The following C2CD2L variants were observed in gnomAD, a reference collection of about 807,000 sequenced individuals.
The protein encoded by C2CD2L is phospholipid transfer protein C2CD2L.
A neutral mutation model predicts 69.9 loss-of-function variants in C2CD2L; 24 were observed. That is an observed-to-expected ratio of 0.34 (90% CI 0.25 to 0.48). The LOEUF (loss-of-function observed/expected upper bound fraction) is 0.48, where lower values mean the gene tolerates loss of function less well. Ranked by LOEUF, C2CD2L falls within the 20% of genes least tolerant of loss-of-function variation. C2CD2L has a pLI of 0.99. For missense variants in C2CD2L, 811 were observed against 941.5 expected, an observed-to-expected ratio of 0.86 and a Z score of 1.81; for synonymous variants, 367 against 391.0, an observed-to-expected ratio of 0.94 and a Z score of 0.72.
In C2CD2L at chr11:119,112,322, C is replaced by T. The variant is rs576025301; in HGVS notation, c.1020-6C>T. 6.2e-7 allele frequency: 1 copy of T among 1,611,528 alleles called. No homozygotes were observed. ...CCTTCCTGCCCCATCTCCTCTTGTC[C>T]CACAGGGATCTGGGCCCCCAGAGCC... On this transcript the variant is annotated splice_region_variant and splice_polypyrimidine_tract_variant and intron_variant, in intron 7 of 13. Transcript: ENST00000648610.
chr11:119,114,502 G>C lies in C2CD2L; in HGVS notation c.1909+137G>C. The C allele has an allele frequency of 2.5e-6, 2 of 812,374 alleles. No homozygotes were observed. The highest frequency in any genetic ancestry group is 3.9e-6 in the Non-Finnish European group (2 of 517,576). 50.3% of individuals were successfully genotyped at this position (812,374 alleles called of 1,614,324 possible). ...TTCCCAGCCTAGTTCAGCCAAGCTA[G>C]CCTAGAGGGGGATCTTGGTGCCTTG... On this transcript the variant is annotated intron_variant, in intron 13 of 13. Coordinates refer to ENST00000648610, the MANE Select transcript of C2CD2L (RefSeq NM_001290474.2). This position sits in a 1 kb window ranked among gnomAD's most constrained non-coding sequence, Gnocchi z 5.1.
At chr11:119,115,328 A>G (rs569234713) in intron 13 of C2CD2L, 2 of 151,844 alleles carry the variant, frequency 1.3e-5, no homozygotes, top group South Asian at 2.1e-4. Context: ...AAGAAATCCT[A>G]CCCTTGGATT....
rs1946702644 is a variant in C2CD2L, at chr11:119,110,422, C to A, written c.451-139C>A. 9.5e-7 allele frequency: 1 copy of A among 1,056,866 alleles called. No individual in the cohort carries two copies. The allele number at this position is 1,056,866 out of a possible 1,614,324, so 65.5% of individuals were successfully genotyped here. On this transcript the variant is annotated intron_variant, in intron 2 of 13. Coordinates refer to ENST00000648610, the MANE Select transcript of C2CD2L (RefSeq NM_001290474.2). The surrounding 1 kb of genome is among the most constrained non-coding windows in gnomAD (Gnocchi z 5.7). ...AGGAGTCTTTGGCATTTATCTGATTCTTTTAGGGATTTATGATCCTGAAAA... is the reference window on the plus strand; with the variant it reads ...AGGAGTCTTTGGCATTTATCTGATTATTTTAGGGATTTATGATCCTGAAAA...
upstream of C2CD2L, among the ~76,000 whole-genome samples, chr11:119,103,850 C>T (rs1030882904): frequency 1.3e-5 from 2 of 152,060 alleles, no homozygotes; most frequent in South Asian, 2.1e-4. Flanking sequence ...AGTACTTATC[C>T]CACTGCTATT....
Position 119,107,968 on chromosome 11 carries a change from G to A in C2CD2L, c.227G>A (p.Arg76Gln), listed in dbSNP as rs1199587542. Residue 76 changes from arginine (R) to glutamine (Q), a missense_variant, in exon 1 of 14, where the codon CGG becomes CAG. Arg to Gln is a conservative substitution (Grantham distance 43, BLOSUM62 1). Transcript: ENST00000648610. This position sits in a 1 kb window ranked among gnomAD's most constrained non-coding sequence, Gnocchi z 5.4. ...TCGCTGCTGCGGCTGCGGGCGACTCGGGCTGGCGCCGCCGAGGAGCCAGGA... is the reference window on the plus strand; with the variant it reads ...TCGCTGCTGCGGCTGCGGGCGACTCAGGCTGGCGCCGCCGAGGAGCCAGGA... ...WRSLLRLRAT[R>Q]AGAAEEPGVR... 3.2e-6 allele frequency: 5 copies of A among 1,550,892 alleles called. No individual in the cohort carries two copies. The highest frequency in any genetic ancestry group is 2.1e-5 in the Admixed American group (1 of 47,452).
chr11:119,113,426 A>C, intron 10 of C2CD2L, 185 bp from the exon 11 acceptor site: 1 of 809,418 alleles, frequency 1.2e-6, no homozygotes. Context: ...ACTTTCCTAC[A>C]CTCCCATTAG....
chr11:119,114,823 T>G lies in C2CD2L; in HGVS notation c.1909+458T>G. On this transcript the variant is annotated intron_variant, in intron 13 of 13. Coordinates refer to ENST00000648610, the MANE Select transcript of C2CD2L (RefSeq NM_001290474.2). This position sits in a 1 kb window ranked among gnomAD's most constrained non-coding sequence, Gnocchi z 5.1. ...GGCGTAGTGGCACACACCTGTAATC[T>G]CAGCTACTCAGGGGGCTGAGGAGGG... is the stretch of plus-strand genomic sequence containing the variant. The G allele has an allele frequency of 5.2e-6, 1 of 192,688 alleles. No individual in the cohort carries two copies. Among genetic ancestry groups the G allele is most frequent in the East Asian group, 1.5e-4 (1 of 6,732 alleles). The allele number at this position is 192,688 out of a possible 1,614,324, so 11.9% of individuals were successfully genotyped here.
At chr11:119,115,495 G>A (rs1946862786) in intron 13 of C2CD2L, 1 of 157,534 alleles carries the variant, frequency 6.3e-6, no homozygotes, top group Non-Finnish European at 1.4e-5. Context: ...CACTTCTTGA[G>A]ATAATGAGGT....
chr11:119,102,695 A>G (rs111481237), upstream of C2CD2L, among the ~76,000 whole-genome samples: 96 of 151,870 alleles, frequency 6.3e-4, no homozygotes, highest in Admixed American at 9.8e-4. Context: ...AGGCTCTGGA[A>G]AGAGCTGAGG....
chr11:119,105,647 GAAAAA>G (rs112441104), upstream of C2CD2L, among the ~76,000 whole-genome samples: 1 of 124,040 alleles, frequency 8.1e-6, no homozygotes, highest in Non-Finnish European at 1.7e-5. Flanking sequence ...CAAGAAAAGA[GAAAAA>G]AAAAAAAAAA....
In C2CD2L at chr11:119,116,557, C is replaced by T; in HGVS notation, c.*301C>T. The T allele has an allele frequency of 1.9e-6, 1 of 522,902 alleles. No homozygotes were observed. The highest frequency in any genetic ancestry group is 3.4e-6 in the Non-Finnish European group (1 of 290,096). 32.4% of individuals were successfully genotyped at this position (522,902 alleles called of 1,614,324 possible). On this transcript the variant is annotated 3_prime_UTR_variant, in exon 14 of 14. Transcript: ENST00000648610. ...CCTCCTGCTGAGCCTGGTCCCTGAG[C>T]GGAGTCCCAGGGTGCTCAGCTCTTC...
chr11:119,110,586 A>T lies in C2CD2L; in HGVS notation c.476A>T (p.Glu159Val). The T allele has an allele frequency of 6.2e-7, 1 of 1,610,322 alleles. No homozygotes were observed. The highest frequency in any genetic ancestry group is 8.5e-7 in the Non-Finnish European group (1 of 1,179,286). ...TMVLRCQLSA[E>V]EVRFPVSVTQ... ...GTGCTGCGTTGCCAGCTCTCTGCTG[A>T]GGAGGTGCGGTTCCCAGTCTCTGTG... Residue 159 changes from glutamate (E) to valine (V), a missense_variant, in exon 3 of 14, where the codon GAG becomes GTG. Coordinates refer to ENST00000648610, the MANE Select transcript of C2CD2L (RefSeq NM_001290474.2). The surrounding 1 kb of genome is among the most constrained non-coding windows in gnomAD (Gnocchi z 5.7).
chr11:119,114,259 C>T lies in C2CD2L; in HGVS notation c.1803C>T (p.Asp601=), dbSNP rs759873452. ...LSSPTSVQEA[D]ETTRSDISER... ...GTCCCACAAGTGTCCAGGAAGCAGA[C>T]GAGACAACCCGTTCGGATATTTCTG... Residue 601 remains aspartate (D), a synonymous_variant, in exon 13 of 14, where the codon GAC becomes GAT. Coordinates refer to ENST00000648610, the MANE Select transcript of C2CD2L (RefSeq NM_001290474.2). The surrounding 1 kb of genome is among the most constrained non-coding windows in gnomAD (Gnocchi z 5.1). 16 of 1,613,998 alleles carry T rather than the reference C, an allele frequency of 9.9e-6. No homozygotes were observed. Among genetic ancestry groups the T allele is most frequent in the South Asian group, 8.8e-5 (8 of 91,082 alleles).
In C2CD2L at chr11:119,108,146, G is replaced by A. The variant is rs753400519; in HGVS notation, c.354+51G>A. The A allele has an allele frequency of 3.8e-6, 5 of 1,320,112 alleles. No individual in the cohort carries two copies. The African/African-American group carries it at 6.2e-5, about 16-fold the overall frequency. 81.8% of individuals were successfully genotyped at this position (1,320,112 alleles called of 1,614,324 possible). On this transcript the variant is annotated intron_variant, in intron 1 of 13. Transcript: ENST00000648610. ...GTCCCTTCAGCCTTTCCTTCCAGGGGAGGGACTGACTGCTCGTGCTAGGAG... is the reference window on the plus strand; with the variant it reads ...GTCCCTTCAGCCTTTCCTTCCAGGGAAGGGACTGACTGCTCGTGCTAGGAG...
chr11:119,112,255 C>A, intron 7 of C2CD2L, 73 bp from the exon 8 acceptor site: 3 of 1,330,290 alleles, frequency 2.3e-6, no homozygotes, highest in South Asian at 2.5e-5. Flanking sequence ...CTGCCTCTGG[C>A]CTGTGATCCA....
At chr11:119,105,874 C>G (rs1434236968), upstream of C2CD2L, among the ~76,000 whole-genome samples, 1 of 152,150 alleles carries the variant, frequency 6.6e-6, no homozygotes, top group Non-Finnish European at 1.5e-5. Context: ...GGGAAAGCTT[C>G]TACCTGGACA....
chr11:119,110,708 G>C lies in C2CD2L; in HGVS notation c.570+28G>C. ...AGAAGGGGATGTGGGAAACTGAGTT[G>C]GGCAGGGGCGGTTCCATTGGCTCAG... On this transcript the variant is annotated intron_variant, in intron 3 of 13. Coordinates refer to ENST00000648610, the MANE Select transcript of C2CD2L (RefSeq NM_001290474.2). The surrounding 1 kb of genome is among the most constrained non-coding windows in gnomAD (Gnocchi z 5.7). The C allele has an allele frequency of 6.2e-7, 1 of 1,613,158 alleles. No homozygotes were observed. Among genetic ancestry groups the C allele is most frequent in the Non-Finnish European group, 8.5e-7 (1 of 1,179,384 alleles).
chr11:119,112,271 G>A (rs1742654726), intron 7 of C2CD2L, 57 bp from the exon 8 acceptor site: 1 of 1,497,452 alleles, frequency 6.7e-7, no homozygotes, highest in Non-Finnish European at 9.2e-7. Context: ...ATCCACTCAA[G>A]TGTGGGTTCA....
In C2CD2L at chr11:119,116,483, G is replaced by A; in HGVS notation, c.*227G>A. 1 of 593,770 alleles carries A rather than the reference G, an allele frequency of 1.7e-6. No individual in the cohort carries two copies. Among genetic ancestry groups the A allele is most frequent in the East Asian group, 2.8e-5 (1 of 36,008 alleles). 36.8% of individuals were successfully genotyped at this position (593,770 alleles called of 1,614,324 possible). A position where few individuals can be genotyped will look rare whatever the true frequency, so the allele number is the denominator to read the frequency against. The stretch of plus-strand genomic sequence containing the variant: ...GGACGAGGGACTGGTGGCTGGGAGG[G>A]AGAGGAGGGCCCTGTCCGGCATGTG... On this transcript the variant is annotated 3_prime_UTR_variant, in exon 14 of 14. Coordinates refer to ENST00000648610, the MANE Select transcript of C2CD2L (RefSeq NM_001290474.2).
Sources: gnomAD v4.1 joint callset for allele counts (sites outside exome capture counted in the v4.1 genomes callset) on GRCh38, gnomAD v4.1.1 for gene constraint, Gnocchi (gnomAD v3.1) non-coding constraint, MANE v1.5 for transcripts, NCBI Gene and HGNC (gene_info 2026-07-23, HGNC 2026-07-21) for gene names.